EXOC6B: variants seen among roughly 807,000 people sequenced by gnomAD.
The protein encoded by EXOC6B is exocyst complex component 6B.
Under a neutral mutation model 113.5 loss-of-function variants are expected in EXOC6B, and 54 were observed. The observed-to-expected ratio is 0.48, with a 90% CI of 0.38 to 0.60. The LOEUF (loss-of-function observed/expected upper bound fraction) is 0.60. EXOC6B is among the 20% of genes least tolerant of loss of function. The pLI is 0.00. For synonymous variants in EXOC6B, 357 were observed against 339.0 expected, an observed-to-expected ratio of 1.05 and a Z score of -0.58; for missense variants, 797 against 977.5, an observed-to-expected ratio of 0.82 and a Z score of 2.46.
chr2:72,741,451 T>C lies in EXOC6B; in HGVS notation c.132A>G (p.Glu44=). Reference sequence around the variant, plus strand: ...GCTTCTCCATGAAACGTCCATGTTCTTCACCATCATAAACAGACCTTTAAA... The same window carrying C: ...GCTTCTCCATGAAACGTCCATGTTCCTCACCATCATAAACAGACCTTTAAA... The part of the protein sequence containing the change: ...GPTLRSVYDG[E]EHGRFMEKLE... Residue 44 remains glutamate (E), a synonymous_variant, in exon 2 of 22, where the codon GAA becomes GAG. Transcript: ENST00000272427. 1 of 1,613,108 alleles carries C rather than the reference T, an allele frequency of 6.2e-7. No homozygotes were observed. Among genetic ancestry groups the C allele is most frequent in the Non-Finnish European group, 8.5e-7 (1 of 1,179,622 alleles).
intron 6 of EXOC6B, among the ~76,000 whole-genome samples, chr2:72,585,063 A>G (rs1418543677): frequency 6.6e-6 from 1 of 152,228 alleles, no homozygotes; most frequent in Non-Finnish European, 1.5e-5. Context: ...AGTTAGAAAG[A>G]TCTCAAATTA....
intron 20 of EXOC6B, among the ~76,000 whole-genome samples, chr2:72,203,778 G>T (rs1679650829): frequency 6.6e-6 from 1 of 152,174 alleles, no homozygotes; most frequent in Admixed American, 6.5e-5. Context: ...CCCCATGCAT[G>T]TCTGTACTGG....
chr2:72,560,261 G>A (rs185995423), intron 7 of EXOC6B, among the ~76,000 whole-genome samples: 1 of 150,802 alleles, frequency 6.6e-6, no homozygotes, highest in African/African-American at 2.5e-5. Flanking sequence ...ATTTGGTCTC[G>A]ACTACCTAAG....
intron 6 of EXOC6B, among the ~76,000 whole-genome samples, chr2:72,585,951 C>G (rs1457297058): frequency 6.6e-6 from 1 of 152,094 alleles, no homozygotes; most frequent in African/African-American, 2.4e-5. Flanking sequence ...AAGCCACACA[C>G]CTACAACCAT....
intron 17 of EXOC6B, among the ~76,000 whole-genome samples, chr2:72,470,939 A>G (rs910829041): frequency 2.6e-5 from 4 of 152,222 alleles, no homozygotes; most frequent in African/African-American, 7.2e-5. Context: ...ATGGGCGTGT[A>G]TCTTTATAGC....
intron 6 of EXOC6B, among the ~76,000 whole-genome samples, chr2:72,701,953 G>A (rs1678380712): frequency 6.7e-6 from 1 of 150,326 alleles, no homozygotes; most frequent in Admixed American, 6.7e-5. Flanking sequence ...TAAGTTTTAG[G>A]GTACATGTGC....
intron 20 of EXOC6B, among the ~76,000 whole-genome samples, chr2:72,332,362 T>G (rs1483283579): frequency 2.0e-5 from 3 of 152,052 alleles, no homozygotes; most frequent in Admixed American, 2.0e-4. Flanking sequence ...AGAGTAGTAT[T>G]CAGTTTTGGT....
chr2:72,365,946 G>A (rs1277666828), intron 19 of EXOC6B, among the ~76,000 whole-genome samples: 2 of 152,002 alleles, frequency 1.3e-5, no homozygotes, highest in African/African-American at 4.8e-5. Context: ...AGCAAGTCTT[G>A]AATGAATCCA....
rs1026467751 is a variant in EXOC6B at position 72,407,417 on chromosome 2, G to A, written c.1981-27547C>T. 2.2e-4 allele frequency among the ~76,000 whole-genome samples: 34 copies of A among 152,256 alleles called. 1 individual carries two copies. Among genetic ancestry groups the A allele is most frequent in the Admixed American group, 1.4e-3 (21 of 15,294 alleles). On this transcript the variant is annotated intron_variant, in intron 18 of 21. Transcript: ENST00000272427. ...GCCTGGCAGAGACATAACAAAAAAA[G>A]AGAATTTTAGACCAATATCCCTGAT...
intron 18 of EXOC6B, among the ~76,000 whole-genome samples, chr2:72,393,177 CT>C (rs1288331816): frequency 2.6e-5 from 4 of 151,862 alleles, no homozygotes; most frequent in African/African-American, 9.7e-5. Context: ...TCACTGCAGC[CT>C]CTACCTCCCA....
At chr2:72,460,928 A>G (rs1232663809) in intron 18 of EXOC6B, among the ~76,000 whole-genome samples, 1 of 151,492 alleles carries the variant, frequency 6.6e-6, no homozygotes, top group South Asian at 2.1e-4. Context: ...TTGCGGCACT[A>G]TTCACAATAG....
chr2:72,771,063 G>T (rs1683380160), intron 1 of EXOC6B, among the ~76,000 whole-genome samples: 2 of 152,080 alleles, frequency 1.3e-5, no homozygotes, highest in Non-Finnish European at 2.9e-5. Context: ...AAGTCACTAG[G>T]GGGCAGCAGA....
intron 7 of EXOC6B, among the ~76,000 whole-genome samples, chr2:72,569,958 T>C (rs1264808392): frequency 1.3e-5 from 2 of 152,290 alleles, no homozygotes; most frequent in Non-Finnish European, 2.9e-5. Context: ...ATCTTTTTTG[T>C]ATACTTTCCA....
intron 20 of EXOC6B, among the ~76,000 whole-genome samples, chr2:72,276,414 T>TA (rs1183765756): frequency 2.0e-5 from 3 of 152,148 alleles, no homozygotes; most frequent in Non-Finnish European, 4.4e-5. Context: ...CAAGGGCTCT[T>TA]TCTCTTATCA....
intron 16 of EXOC6B, among the ~76,000 whole-genome samples, chr2:72,482,576 T>G (rs1699168908): frequency 6.6e-6 from 1 of 152,144 alleles, no homozygotes; most frequent in Non-Finnish European, 1.5e-5. Context: ...ATGTTTACAA[T>G]CCATGATATT....
intron 20 of EXOC6B, among the ~76,000 whole-genome samples, chr2:72,257,646 C>A (rs1235538285): frequency 6.6e-6 from 1 of 152,146 alleles, no homozygotes; most frequent in African/African-American, 2.4e-5. Flanking sequence ...CTTATGGAGA[C>A]AGGATTTGTG....
In EXOC6B at chr2:72,617,373, C is replaced by T. The variant is rs1671452843; in HGVS notation, c.670-41705G>A. On this transcript the variant is annotated intron_variant, in intron 6 of 21. Transcript: ENST00000272427. ...TAGGGACTCTGTGTGGGGGCTCTGA[C>T]CCCACATTTCCCTTCCACACTGCCT... 2.0e-5 allele frequency among the ~76,000 whole-genome samples: 3 copies of T among 152,150 alleles called. No individual in the cohort carries two copies. In the South Asian group the frequency reaches 6.2e-4, roughly 32 times the overall value.
chr2:72,309,490 T>C (rs938746942), intron 20 of EXOC6B, among the ~76,000 whole-genome samples: 2 of 152,158 alleles, frequency 1.3e-5, no homozygotes, highest in Non-Finnish European at 2.9e-5. Flanking sequence ...ATCCCATGCC[T>C]GGATTATTTC....
chr2:72,243,722 T>G (rs1682473697), intron 20 of EXOC6B, among the ~76,000 whole-genome samples: 1 of 151,982 alleles, frequency 6.6e-6, no homozygotes. Flanking sequence ...TGCACATGTA[T>G]CCTAGAACTT....
Sources: allele counts gnomAD v4.1 joint callset (sites outside exome capture counted in the v4.1 genomes callset), GRCh38; gene constraint gnomAD v4.1.1; transcripts MANE v1.5; gene names NCBI Gene and HGNC (gene_info 2026-07-23, HGNC 2026-07-21).